The following ELMO3 variants were observed in gnomAD, a reference collection of about 807,000 sequenced individuals.
ELMO3 encodes engulfment and cell motility 3.
Under a neutral mutation model 89.0 loss-of-function variants are expected in ELMO3, and 81 were observed. That is an observed-to-expected ratio of 0.91 (90% CI 0.76 to 1.09). The LOEUF (loss-of-function observed/expected upper bound fraction) is 1.09, where lower values mean the gene tolerates loss of function less well. Ranked by LOEUF, ELMO3 falls within the 50% of genes least tolerant of loss-of-function variation. The pLI is 0.00. For missense variants in ELMO3, 959 were observed against 972.8 expected, an observed-to-expected ratio of 0.99 and a Z score of 0.19; for synonymous variants, 406 against 400.6, an observed-to-expected ratio of 1.01 and a Z score of -0.16.
chr16:67,201,212 ATTTTTTTTTT>A (rs753596419), intron 8 of ELMO3, among the ~76,000 whole-genome samples, 163 bp from the exon 9 acceptor site: 3 of 94,262 alleles, frequency 3.2e-5, no homozygotes, highest in Admixed American at 1.1e-4. Flanking sequence ...CGCCCAGCTG[ATTTTTTTTTT>A]TTTTTTTTTT....
rs375742012 is a variant in ELMO3 at position 67,202,735 on chromosome 16, C to T, written c.1507C>T (p.Arg503Trp). The T allele has an allele frequency of 6.2e-6, 10 of 1,613,604 alleles. No individual in the cohort carries two copies. Among genetic ancestry groups the T allele is most frequent in the Non-Finnish European group, 7.6e-6 (9 of 1,179,976 alleles). Residue 503 changes from arginine (R) to tryptophan (W), a missense_variant, in exon 15 of 20, where the codon CGG becomes TGG. Arg to Trp is a moderately radical substitution (Grantham distance 101). Transcript: ENST00000393997. ...VNALTYGEVL[R>W]LRQTERLHQE... ...TGCGCTCACTTATGGGGAGGTGCTG[C>T]GGCTGCGGCAGACTGAACGGCTGCA...
chr16:67,203,567 C>T lies in ELMO3; in HGVS notation c.1934C>T (p.Ala645Val). ...GEEEAYLNFI[A>V]PSKREFYLWT... is the part of the protein sequence containing the mutation. Reference sequence around the variant, plus strand: ...GAGGAAGCGTACCTCAACTTCATTGCCCCCTCCAAGCGGGAGGTGAGTGTC... The same window carrying T: ...GAGGAAGCGTACCTCAACTTCATTGTCCCCTCCAAGCGGGAGGTGAGTGTC... The change falls in exon 19 of 20, where the codon GCC (alanine) becomes GTC (valine). Residue 645 changes from alanine (A) to valine (V), a missense_variant. Ala to Val is a moderately conservative substitution (Grantham distance 64). Transcript: ENST00000393997. The surrounding 1 kb of genome is among the most constrained non-coding windows in gnomAD (Gnocchi z 4.6). 1 of 1,614,092 alleles carries T rather than the reference C, an allele frequency of 6.2e-7. No individual in the cohort carries two copies. The highest frequency in any genetic ancestry group is 8.5e-7 in the Non-Finnish European group (1 of 1,180,020).
intron 8 of ELMO3, 57 bp downstream of exon 8, chr16:67,201,025 T>G: frequency 6.5e-7 from 1 of 1,531,042 alleles, no homozygotes; most frequent in Non-Finnish European, 8.8e-7. Flanking sequence ...TGCCCCACCC[T>G]GAAGCAAAAT....
At chr16:67,201,700 A>G (rs376387864) in intron 10 of ELMO3, 42 bp from the exon 11 acceptor site, 16 of 1,607,678 alleles carry the variant, frequency 1.0e-5, no homozygotes, top group South Asian at 1.1e-5. Context: ...CCTTGAATCT[A>G]TAATCTTGAT....
rs765664148 is a variant in ELMO3, at chr16:67,201,674, G to A, written c.918+32G>A. 44 of 1,609,270 alleles carry A rather than the reference G, an allele frequency of 2.7e-5. 1 individual carries two copies. The South Asian group carries it at 4.3e-4, about 16-fold the overall frequency. ...GTCTTTGGTGAGGACAAGGCAGGGG[G>A]TGGCTTAGAGCTTGGCCTTGAATCT... On this transcript the variant is annotated intron_variant, in intron 10 of 19. Coordinates refer to ENST00000393997, the MANE Select transcript of ELMO3 (RefSeq NM_024712.5).
chr16:67,201,250 G>C (rs2033100632), intron 8 of ELMO3, 135 bp from the exon 9 acceptor site: 1 of 996,500 alleles, frequency 1.0e-6, no homozygotes, highest in African/African-American at 1.7e-5. Context: ...GTAGAGACGG[G>C]GTTTCACTGT....
In ELMO3 at chr16:67,199,939, T is replaced by G. The variant is rs1363577037; in HGVS notation, c.193-12T>G. On this transcript the variant is annotated splice_polypyrimidine_tract_variant and intron_variant, in intron 3 of 19. Coordinates refer to ENST00000393997, the MANE Select transcript of ELMO3 (RefSeq NM_024712.5). Reference sequence around the variant, plus strand: ...TCCCTGACCTCGCTGCCTTTTCTGCTGTCTTCTCCAGAACCGCGCGGAGAT... The same window carrying G: ...TCCCTGACCTCGCTGCCTTTTCTGCGGTCTTCTCCAGAACCGCGCGGAGAT... 2 of 1,613,920 alleles carry G rather than the reference T, an allele frequency of 1.2e-6. No homozygotes were observed. Among genetic ancestry groups the G allele is most frequent in the Non-Finnish European group, 1.7e-6 (2 of 1,180,016 alleles).
Position 67,200,518 on chromosome 16 carries a change from T to C in ELMO3, c.481T>C (p.Trp161Arg). 6.2e-7 allele frequency: 1 copy of C among 1,613,692 alleles called. No homozygotes were observed. The highest frequency in any genetic ancestry group is 8.5e-7 in the Non-Finnish European group (1 of 1,179,960). Residue 161 changes from tryptophan (W) to arginine (R), a missense_variant, in exon 6 of 20, where the codon TGG becomes CGG. Transcript: ENST00000393997. ...GCTCATGGAGCACGGCGTGGTGTCC[T>C]GGGAGACTCTGAGCATCCCCTTTGT... The part of the protein sequence containing the change: ...SELMEHGVVS[W>R]ETLSIPFVRK...
In ELMO3 at chr16:67,202,905, A is replaced by T. The variant is rs1305314203; in HGVS notation, c.1576A>T (p.Lys526Ter). 21 of 1,612,496 alleles carry T rather than the reference A, an allele frequency of 1.3e-5. No individual in the cohort carries two copies. The highest frequency in any genetic ancestry group is 1.8e-5 in the Non-Finnish European group (21 of 1,179,968). ...LAPPILELRE[K>*]LKPELMGLIR... is the part of the protein sequence containing the mutation. ...CCCCTCTATCAGGGAGCTGCGGGAG[A>T]AGCTGAAGCCAGAGCTCATGGGCCT... The change falls in exon 16 of 20, where the codon AAG (lysine) becomes TAG (stop). Residue 526 changes from lysine (K) to a stop codon, truncating the protein, a stop_gained. Coordinates refer to ENST00000393997, the MANE Select transcript of ELMO3 (RefSeq NM_024712.5). LOFTEE classifies it high-confidence loss of function.
At chr16:67,199,515 C>A in intron 1 of ELMO3, 38 bp from the exon 2 acceptor site, 1 of 1,585,598 alleles carries the variant, frequency 6.3e-7, no homozygotes. Context: ...CCCCATCCCT[C>A]CCTGCCCAGG....
Position 67,203,185 on chromosome 16 carries a change from G to A in ELMO3, c.1742G>A (p.Gly581Asp). ...CTGCAGTACGGAGACATGGAGGAGG[G>A]CGCCAGCCCGCCTACCCTGGAGAGT... ...KLLQYGDMEE[G>D]ASPPTLESLP... Residue 581 changes from glycine to aspartate, a missense_variant, in exon 17 of 20, where the codon GGC becomes GAC. Gly to Asp is a moderately conservative substitution (Grantham distance 94). Transcript: ENST00000393997. The surrounding 1 kb of genome is among the most constrained non-coding windows in gnomAD (Gnocchi z 4.6). 1 of 1,611,092 alleles carries A rather than the reference G, an allele frequency of 6.2e-7. No homozygotes were observed. Among genetic ancestry groups the A allele is most frequent in the Non-Finnish European group, 8.5e-7 (1 of 1,179,766 alleles).
In ELMO3 at chr16:67,201,816, AAGTGCTG is replaced by A; in HGVS notation, c.995_1001del (p.Ser332ThrfsTer74). 6.2e-7 allele frequency: 1 copy of A among 1,612,078 alleles called. No individual in the cohort carries two copies. The highest frequency in any genetic ancestry group is 2.2e-5 in the East Asian group (1 of 44,870). ...AGGGGGAGTCCTCGGGTGCCGGGCT[AAGTGCTG>A]ACCGTCGCCGTTCCCTCTGTGCCCG... On this transcript the variant is annotated frameshift_variant, in exon 11 of 20. Coordinates refer to ENST00000393997, the MANE Select transcript of ELMO3 (RefSeq NM_024712.5). LOFTEE classifies it high-confidence loss of function.
In ELMO3 at chr16:67,203,785, G is replaced by A. The variant is rs2033183926; in HGVS notation, c.2071G>A (p.Glu691Lys). 1 of 1,612,926 alleles carries A rather than the reference G, an allele frequency of 6.2e-7. No individual in the cohort carries two copies. Among genetic ancestry groups the A allele is most frequent in the East Asian group, 2.2e-5 (1 of 44,866 alleles). ...GACCAAGCTGCGTCTGCTGGAGCTG[G>A]AGAACGTGCCCATCCCCGAGCGGCC... ...METKLRLLEL[E>K]NVPIPERPPP... Residue 691 changes from glutamate (E) to lysine (K), a missense_variant, in exon 20 of 20, where the codon GAG becomes AAG. Transcript: ENST00000393997. This position sits in a 1 kb window ranked among gnomAD's most constrained non-coding sequence, Gnocchi z 4.6.
chr16:67,201,293 G>A (rs975634840), intron 8 of ELMO3, 92 bp from the exon 9 acceptor site: 16 of 1,545,994 alleles, frequency 1.0e-5, no homozygotes, highest in African/African-American at 9.9e-5. Context: ...TCCTGACCTC[G>A]TGATCCGCCC....
chr16:67,203,286 C>G lies in ELMO3; in HGVS notation c.1781-41C>G. 1 of 1,587,134 alleles carries G rather than the reference C, an allele frequency of 6.3e-7. No homozygotes were observed. The highest frequency in any genetic ancestry group is 8.5e-7 in the Non-Finnish European group (1 of 1,170,722). Reference sequence around the variant, plus strand: ...CCCCAGACCGCCCTGGGCCCCGGGGCTGCCAGGGCTGCAGTGCTCAGCCCA... The same window carrying G: ...CCCCAGACCGCCCTGGGCCCCGGGGGTGCCAGGGCTGCAGTGCTCAGCCCA... On this transcript the variant is annotated intron_variant, in intron 17 of 19. Coordinates refer to ENST00000393997, the MANE Select transcript of ELMO3 (RefSeq NM_024712.5). This position sits in a 1 kb window ranked among gnomAD's most constrained non-coding sequence, Gnocchi z 4.6.
At position 67,202,783 on chromosome 16, in the gene ELMO3, C is replaced by G. The variant is rs1207632803; in HGVS notation, c.1555C>G (p.Pro519Ala). ...RLHQEGTLAP[P>A]ILELREKLKP... ...GCACCAGGAGGGCACACTGGCTCCC[C>G]CTATACTGTGAGTCTGGGGGGATGG... The change falls in exon 15 of 20, where the codon CCT (proline) becomes GCT (alanine). Residue 519 changes from proline to alanine, a missense_variant. Transcript: ENST00000393997. 1.2e-6 allele frequency: 2 copies of G among 1,613,150 alleles called. No homozygotes were observed. Among genetic ancestry groups the G allele is most frequent in the African/African-American group, 1.3e-5 (1 of 74,912 alleles).
Position 67,203,596 on chromosome 16 carries a change from C to T in ELMO3, c.1950+13C>T. The T allele has an allele frequency of 6.2e-7, 1 of 1,614,028 alleles. No homozygotes were observed. The highest frequency in any genetic ancestry group is 1.3e-5 in the African/African-American group (1 of 75,028). The stretch of plus-strand genomic sequence containing the variant: ...CTCCAAGCGGGAGGTGAGTGTCCGC[C>T]AGGCTGAGGTCGGCAGGTGGGCAGG... On this transcript the variant is annotated intron_variant, in intron 19 of 19. Coordinates refer to ENST00000393997, the MANE Select transcript of ELMO3 (RefSeq NM_024712.5). The surrounding 1 kb of genome is among the most constrained non-coding windows in gnomAD (Gnocchi z 4.6).
rs1447965286 is a variant in ELMO3, at chr16:67,203,617, G to C, written c.1950+34G>C. 6.2e-7 allele frequency: 1 copy of C among 1,613,980 alleles called. No homozygotes were observed. Among genetic ancestry groups the C allele is most frequent in the South Asian group, 1.1e-5 (1 of 91,078 alleles). On this transcript the variant is annotated intron_variant, in intron 19 of 19. Coordinates refer to ENST00000393997, the MANE Select transcript of ELMO3 (RefSeq NM_024712.5). This position sits in a 1 kb window ranked among gnomAD's most constrained non-coding sequence, Gnocchi z 4.6. ...CCGCCAGGCTGAGGTCGGCAGGTGGGCAGGGGAGGCAGATGGGCAGACCCT... is the reference window on the plus strand; with the variant it reads ...CCGCCAGGCTGAGGTCGGCAGGTGGCCAGGGGAGGCAGATGGGCAGACCCT...
chr16:67,200,376 G>A lies in ELMO3; in HGVS notation c.413+15G>A, dbSNP rs8059662. On this transcript the variant is annotated intron_variant, in intron 5 of 19. Coordinates refer to ENST00000393997, the MANE Select transcript of ELMO3 (RefSeq NM_024712.5). ...GATGGGGACGAGTGAGCACAGGGATGTGTGGGCTGGGGGAGATGGTGGGTC... is the reference window on the plus strand; with the variant it reads ...GATGGGGACGAGTGAGCACAGGGATATGTGGGCTGGGGGAGATGGTGGGTC... The A allele has an allele frequency of 0.012, 19,223 of 1,613,186 alleles. 1,050 individuals carry two copies. The African/African-American group carries it at 0.14, about 12-fold the overall frequency.
Sources: gnomAD v4.1 joint callset for allele counts (sites outside exome capture counted in the v4.1 genomes callset) on GRCh38, gnomAD v4.1.1 for gene constraint, Gnocchi (gnomAD v3.1) non-coding constraint, MANE v1.5 for transcripts, NCBI Gene and HGNC (gene_info 2026-07-23, HGNC 2026-07-21) for gene names.